UBE4A: variants seen among roughly 807,000 people sequenced by gnomAD.
The protein encoded by UBE4A is ubiquitination factor E4A, also known as ubiquitin conjugation factor E4 A.
Under a neutral mutation model 117.9 loss-of-function variants are expected in UBE4A, and 48 were observed. That is an observed-to-expected ratio of 0.41 (90% confidence interval 0.32 to 0.52). The LOEUF is 0.52. Among genes scored for constraint, UBE4A ranks in the 20% least tolerant of loss-of-function variants. UBE4A has a pLI of 0.33. For missense variants in UBE4A, 1,067 were observed against 1,296.3 expected (o/e 0.82, Z 2.72); for synonymous variants, 407 against 450.0 (o/e 0.90, Z 1.21).
At chr11:118,366,491 T>C (rs1474777665) in intron 2 of UBE4A, among the ~76,000 whole-genome samples, 1 of 152,196 alleles carries the variant, frequency 6.6e-6, no homozygotes, top group East Asian at 1.9e-4. Context: ...GTTGGGAGCA[T>C]TGCAGGCACA....
chr11:118,363,802 G>C (rs573242237), intron 1 of UBE4A, among the ~76,000 whole-genome samples: 81 of 152,078 alleles, frequency 5.3e-4, no homozygotes, highest in Middle Eastern at 3.4e-3. Flanking sequence ...TGTTTTAGTA[G>C]AGATGGGGTT....
At chr11:118,395,949 C>A (rs1402760956) in intron 19 of UBE4A, among the ~76,000 whole-genome samples, 2 of 152,044 alleles carry the variant, frequency 1.3e-5, no homozygotes, top group South Asian at 4.1e-4. Flanking sequence ...ATGGTGCAGG[C>A]CTGTAATCCC....
chr11:118,371,374 A>G, intron 4 of UBE4A, 140 bp from the exon 5 acceptor site: 2 of 1,018,944 alleles, frequency 2.0e-6, no homozygotes, highest in Non-Finnish European at 2.8e-6. Context: ...AAAAATATAC[A>G]GGGCCCTTTT....
intron 1 of UBE4A, among the ~76,000 whole-genome samples, chr11:118,362,241 G>A (rs968162195): frequency 6.6e-6 from 1 of 152,132 alleles, no homozygotes; most frequent in Non-Finnish European, 1.5e-5. Flanking sequence ...TCCTGCCTCA[G>A]CCTCCTGAGT....
chr11:118,374,979 G>A lies in UBE4A; in HGVS notation c.1200G>A (p.Leu400=). ...CTCCAGAAACCAAACACTGTATCTT[G>A]TCCTGGCTTGGAAACTGTTTGCATG... is the stretch of plus-strand genomic sequence containing the variant. The part of the protein sequence containing the change: ...QLSPETKHCI[L]SWLGNCLHAN... Residue 400 remains leucine, a synonymous_variant, in exon 9 of 20, where the codon TTG becomes TTA. Transcript: ENST00000252108. 2 of 1,607,902 alleles carry A rather than the reference G, an allele frequency of 1.2e-6. No individual in the cohort carries two copies. Among genetic ancestry groups the A allele is most frequent in the Non-Finnish European group, 1.7e-6 (2 of 1,176,160 alleles).
chr11:118,380,434 T>C (rs1246701261), intron 11 of UBE4A, among the ~76,000 whole-genome samples: 1 of 151,746 alleles, frequency 6.6e-6, no homozygotes, highest in Non-Finnish European at 1.5e-5. Context: ...AATAAAAAAT[T>C]AGCCAGGCAT....
chr11:118,381,553 T>G, intron 12 of UBE4A, 30 bp downstream of exon 12: 1 of 1,606,810 alleles, frequency 6.2e-7, no homozygotes, highest in Non-Finnish European at 8.5e-7. Flanking sequence ...GTTCTGTCAC[T>G]GTTTAGGCTG....
chr11:118,383,079 A>C (rs1948720949), intron 13 of UBE4A, among the ~76,000 whole-genome samples: 1 of 152,166 alleles, frequency 6.6e-6, no homozygotes, highest in African/African-American at 2.4e-5. Context: ...CAAACTACCA[A>C]GTGGTAGAAT....
intron 11 of UBE4A, among the ~76,000 whole-genome samples, chr11:118,380,678 G>A (rs1217943933): frequency 6.6e-6 from 1 of 152,140 alleles, no homozygotes; most frequent in Non-Finnish European, 1.5e-5. Flanking sequence ...AAGTTATATA[G>A]CCAAGCTGTC....
At chr11:118,366,324 G>A (rs1477912708) in intron 2 of UBE4A, among the ~76,000 whole-genome samples, 1 of 152,174 alleles carries the variant, frequency 6.6e-6, no homozygotes, top group Non-Finnish European at 1.5e-5. Flanking sequence ...TAAGGAATGA[G>A]AAAGTATGAT....
At chr11:118,396,098 A>C (rs1371482860) in intron 19 of UBE4A, among the ~76,000 whole-genome samples, 1 of 151,620 alleles carries the variant, frequency 6.6e-6, no homozygotes, top group Non-Finnish European at 1.5e-5. Flanking sequence ...GTCTCCAAAA[A>C]AAAAAAAAAA....
intron 10 of UBE4A, among the ~76,000 whole-genome samples, chr11:118,377,893 A>G (rs1948667362): frequency 6.7e-6 from 1 of 149,476 alleles, no homozygotes; most frequent in South Asian, 2.2e-4. Flanking sequence ...AGCCTGGGCA[A>G]CATAGTGAAA....
At chr11:118,377,202 C>T (rs1948660303) in intron 10 of UBE4A, among the ~76,000 whole-genome samples, 1 of 152,092 alleles carries the variant, frequency 6.6e-6, no homozygotes, top group Non-Finnish European at 1.5e-5. Flanking sequence ...TTGTTTTTAA[C>T]TTTTATCGTT....
chr11:118,390,709 C>G lies in UBE4A; in HGVS notation c.2821C>G (p.Pro941Ala). 6.3e-7 allele frequency: 1 copy of G among 1,584,218 alleles called. No homozygotes were observed. The highest frequency in any genetic ancestry group is 8.6e-7 in the Non-Finnish European group (1 of 1,166,818). Residue 941 changes from proline (P) to alanine (A), a missense_variant, in exon 18 of 20, where the codon CCA becomes GCA. Pro to Ala is a conservative substitution (Grantham distance 27). This residue lies in a region of UBE4A where 1,001 missense variants were observed against 1,184.0 expected (regional missense o/e 0.85). Transcript: ENST00000252108. ...GCCCAAGGATGGACGTTCCTATTCC[C>G]CAACTCTCTTTGCACAGACAGTTCG... is the stretch of plus-strand genomic sequence containing the variant. The part of the protein sequence containing the change: ...TVPKDGRSYS[P>A]TLFAQTVRVL...
chr11:118,371,402 A>G (rs1948607606), intron 4 of UBE4A, 112 bp from the exon 5 acceptor site: 4 of 1,356,358 alleles, frequency 2.9e-6, no homozygotes, highest in Non-Finnish European at 3.0e-6. Context: ...TTCACTCTAC[A>G]TTCAAATCTG....
Position 118,396,363 on chromosome 11 carries a change from C to G in UBE4A, c.3124C>G (p.Arg1042Gly). ...TAGTCCCCTCACCATGGACCAGATC[C>G]GGCCAAACACAGAACTAAAAGAAAA... ...NRSPLTMDQI[R>G]PNTELKEKIQ... Residue 1042 changes from arginine to glycine, a missense_variant, in exon 20 of 20, where the codon CGG (arginine) becomes GGG (glycine). Transcript: ENST00000252108. 2 of 1,613,734 alleles carry G rather than the reference C, an allele frequency of 1.2e-6. No homozygotes were observed. The highest frequency in any genetic ancestry group is 2.7e-5 in the African/African-American group (2 of 74,952).
chr11:118,372,774 T>C (rs1267680870), intron 6 of UBE4A, 108 bp downstream of exon 6: 2 of 1,495,194 alleles, frequency 1.3e-6, no homozygotes, highest in Non-Finnish European at 1.8e-6. Flanking sequence ...TGGTATAAAT[T>C]AAGGAGGAGG....
chr11:118,385,503 A>T (rs182278623), intron 15 of UBE4A, among the ~76,000 whole-genome samples: 1 of 152,328 alleles, frequency 6.6e-6, no homozygotes, highest in Non-Finnish European at 1.5e-5. Flanking sequence ...GGTGAAACAA[A>T]GGTTTCACAA....
At position 118,386,433 on chromosome 11, in the gene UBE4A, T is replaced by C. The variant is rs782549369; in HGVS notation, c.2413-5T>C. Reference sequence around the variant, plus strand: ...TCTGATATATCCCATCTCTGGTTTCTGCAGTATTTGAGCAAGATAAAGATT... The same window carrying C: ...TCTGATATATCCCATCTCTGGTTTCCGCAGTATTTGAGCAAGATAAAGATT... On this transcript the variant is annotated splice_polypyrimidine_tract_variant and splice_region_variant and intron_variant, in intron 15 of 19. Transcript: ENST00000252108. The C allele has an allele frequency of 3.1e-6, 5 of 1,603,228 alleles. No individual in the cohort carries two copies. Among genetic ancestry groups the C allele is most frequent in the Non-Finnish European group, 4.2e-6 (5 of 1,176,688 alleles).
Sources: gnomAD v4.1 joint callset for allele counts (sites outside exome capture counted in the v4.1 genomes callset) on GRCh38, gnomAD v4.1.1 for gene constraint, gnomAD v4.1.1 regional missense constraint, MANE v1.5 for transcripts, NCBI Gene and HGNC (gene_info 2026-07-23, HGNC 2026-07-21) for gene names.